The following EXPH5 variants were observed in gnomAD, a reference collection of about 807,000 sequenced individuals.
EXPH5 encodes the protein exophilin-5.
EXPH5 carries 42 observed loss-of-function variants against 41.1 expected under a neutral mutation model. The ratio of observed to expected loss-of-function variants is 1.02; its 90% confidence interval spans 0.80 to 1.32. The LOEUF (loss-of-function observed/expected upper bound fraction) is 1.32. Among genes scored for constraint, EXPH5 ranks in the 40% most tolerant of loss-of-function variants. The pLI is 0.00. For missense variants in EXPH5, 2,298 were observed against 2,314.5 expected, an observed-to-expected ratio of 0.99 and a Z score of 0.15; for synonymous variants, 798 against 833.5, an observed-to-expected ratio of 0.96 and a Z score of 0.73.
chr11:108,555,093 TCA>T (rs2093984247), intron 1 of EXPH5, among the ~76,000 whole-genome samples: 1 of 152,218 alleles, frequency 6.6e-6, no homozygotes, highest in African/African-American at 2.4e-5. Context: ...GGGCAGATGT[TCA>T]CAAACACAGC....
intron 5 of EXPH5, among the ~76,000 whole-genome samples, chr11:108,515,801 G>T (rs951141915): frequency 6.6e-6 from 1 of 152,130 alleles, no homozygotes; most frequent in Non-Finnish European, 1.5e-5. Flanking sequence ...GGCCGGGCAC[G>T]GTGGCTCATG....
intron 1 of EXPH5, among the ~76,000 whole-genome samples, chr11:108,565,423 C>T (rs2094030472): frequency 6.6e-6 from 1 of 152,198 alleles, no homozygotes; most frequent in African/African-American, 2.4e-5. Context: ...CAGATCAGTG[C>T]TGAATGTTGT....
chr11:108,583,233 T>C (rs1320374468), intron 1 of EXPH5, among the ~76,000 whole-genome samples: 1 of 151,770 alleles, frequency 6.6e-6, no homozygotes, highest in Non-Finnish European at 1.5e-5. Flanking sequence ...ATACAAAAAA[T>C]TAGCCGGGCG....
chr11:108,596,955 A>G (rs1386148754), upstream of EXPH5, among the ~76,000 whole-genome samples: 4 of 152,210 alleles, frequency 2.6e-5, no homozygotes, highest in Non-Finnish European at 4.4e-5. Context: ...CAATCTTAGT[A>G]TCCGGTAATC....
chr11:108,512,957 GCTC>G lies in EXPH5; in HGVS notation c.2547_2549del (p.Trp849_Ser850delinsCys), dbSNP rs1565776803. On this transcript the variant is annotated inframe_deletion, in exon 6 of 6. Transcript: ENST00000265843. ...CATTTTGAGTATCAGTCAGTGCAGA[GCTC>G]CAGTGGTTATTTGTAATAATTCTTG... 1 of 1,612,622 alleles carries G rather than the reference GCTC, an allele frequency of 6.2e-7. No homozygotes were observed. The highest frequency in any genetic ancestry group is 1.3e-5 in the African/African-American group (1 of 74,858).
Position 108,514,376 on chromosome 11 carries a change from A to G in EXPH5, c.1131T>C (p.Asp377=). 1 of 1,614,072 alleles carries G rather than the reference A, an allele frequency of 6.2e-7. No individual in the cohort carries two copies. Among genetic ancestry groups the G allele is most frequent in the African/African-American group, 1.3e-5 (1 of 75,048 alleles). ...PLSSIIWNRS[D]SSRDRENQEE... is the part of the protein sequence containing the mutation. Reference sequence around the variant, plus strand: ...CCTGGTTCTCCCTGTCTCTAGAGGAATCTGATCTGTTCCATATGATGGATG... The same window carrying G: ...CCTGGTTCTCCCTGTCTCTAGAGGAGTCTGATCTGTTCCATATGATGGATG... The change falls in exon 6 of 6, where the codon GAT becomes GAC. Residue 377 remains aspartate, a synonymous_variant. Coordinates refer to ENST00000265843, the MANE Select transcript of EXPH5 (RefSeq NM_015065.3).
chr11:108,604,129 G>A, the EXPH5 span, among the ~76,000 whole-genome samples: 1 of 151,450 alleles, frequency 6.6e-6, no homozygotes, highest in Non-Finnish European at 1.5e-5. Flanking sequence ...CGGGTGCAGA[G>A]GCTCATGCCT....
chr11:108,539,099 G>A lies in EXPH5; in HGVS notation c.368C>T (p.Ser123Leu), dbSNP rs143638842. ...GAATGAGAACAGGGAAGCAAATGAC[G>A]ATCTGAAGCTCATCCGGGAAGAAAA... ...TPFSSRMSFRSSFASLFSFRK... is the reference protein window; with the variant it reads ...TPFSSRMSFRLSFASLFSFRK... The change falls in exon 3 of 6, where the codon TCG becomes TTG. Residue 123 changes from serine (S) to leucine (L), a missense_variant. Transcript: ENST00000265843. 459 of 1,611,726 alleles carry A rather than the reference G, an allele frequency of 2.8e-4. No individual in the cohort carries two copies. The highest frequency in any genetic ancestry group is 3.7e-4 in the Non-Finnish European group (440 of 1,178,606).
At chr11:108,518,138 GTGTTTCATATGTT>G (rs1450314106) in intron 5 of EXPH5, 84 bp downstream of exon 5, 5 of 1,090,650 alleles carry the variant, frequency 4.6e-6, no homozygotes, top group Non-Finnish European at 6.7e-6. Context: ...ATAAAGTACA[GTGTTTCATATGTT>G]TTGAGTAGTT....
At chr11:108,521,086 T>C (rs2093762326) in intron 4 of EXPH5, among the ~76,000 whole-genome samples, 1 of 152,122 alleles carries the variant, frequency 6.6e-6, no homozygotes, top group African/African-American at 2.4e-5. Context: ...CCACTTCCCT[T>C]TCCAGTCTTT....
intron 1 of EXPH5, among the ~76,000 whole-genome samples, chr11:108,579,277 G>T (rs2094090313): frequency 6.6e-6 from 1 of 151,526 alleles, no homozygotes; most frequent in South Asian, 2.1e-4. Flanking sequence ...TGATCATATG[G>T]TTTATGCCCT....
chr11:108,512,749 C>T lies in EXPH5; in HGVS notation c.2758G>A (p.Glu920Lys). 6.2e-7 allele frequency: 1 copy of T among 1,613,560 alleles called. No individual in the cohort carries two copies. The highest frequency in any genetic ancestry group is 8.5e-7 in the Non-Finnish European group (1 of 1,179,864). The stretch of plus-strand genomic sequence containing the variant: ...CCAGCATTGTCTTTTTCTTCTCTTT[C>T]TCCTAGCGATGGATCTTTGTCTGAA... Reference protein sequence around the residue: ...SPSDKDPSLGEREEKDNAGKN... With the variant: ...SPSDKDPSLGKREEKDNAGKN... The change falls in exon 6 of 6, where the codon GAA becomes AAA. Residue 920 changes from glutamate (E) to lysine (K), a missense_variant. By Grantham distance (56) the Glu-to-Lys change is moderately conservative. Coordinates refer to ENST00000265843, the MANE Select transcript of EXPH5 (RefSeq NM_015065.3).
chr11:108,545,161 C>G (rs1047913889), intron 1 of EXPH5, among the ~76,000 whole-genome samples: 1 of 152,148 alleles, frequency 6.6e-6, no homozygotes, highest in African/African-American at 2.4e-5. Flanking sequence ...CACCAGTAAT[C>G]CCAGCACTTC....
At position 108,524,811 on chromosome 11, in the gene EXPH5, T is replaced by C. The variant is rs1461741616; in HGVS notation, c.492+3325A>G. On this transcript the variant is annotated intron_variant, in intron 4 of 5. Transcript: ENST00000265843. ...CTCCTGCACAGGTCATATCCACCAA[T>C]GTAGCTGCAACTTAAAACCACTCAT... 1.3e-5 allele frequency among the ~76,000 whole-genome samples: 2 copies of C among 152,348 alleles called. 1 individual carries two copies. The highest frequency in any genetic ancestry group is 6.8e-3 in the Middle Eastern group (2 of 294).
In EXPH5 at chr11:108,508,559, A is replaced by T. The variant is rs1481527126; in HGVS notation, c.*978T>A. On this transcript the variant is annotated 3_prime_UTR_variant, in exon 6 of 6. Coordinates refer to ENST00000265843, the MANE Select transcript of EXPH5 (RefSeq NM_015065.3). ...ACAAAAAACAAAAACAAAAAAAAGA[A>T]AATGTGAAAATGGATAGTTCTGAGG... 6.6e-6 allele frequency: 1 copy of T among 152,524 alleles called. No individual in the cohort carries two copies. Among genetic ancestry groups the T allele is most frequent in the Non-Finnish European group, 1.5e-5 (1 of 68,264 alleles). The allele number at this position is 152,524 out of a possible 1,614,324, so 9.4% of individuals were successfully genotyped here.
intron 4 of EXPH5, 144 bp from the exon 5 acceptor site, chr11:108,518,517 A>T: frequency 1.3e-6 from 1 of 751,894 alleles, no homozygotes; most frequent in Non-Finnish European, 2.1e-6. Flanking sequence ...TTCTCAATTT[A>T]TAATGTGTTG....
chr11:108,538,266 AC>A (rs1306569352), intron 3 of EXPH5: 1 of 985,230 alleles, frequency 1.0e-6, no homozygotes, highest in Admixed American at 6.1e-5. Context: ...TGCCAAGCCA[AC>A]ACCTTAAGAG....
chr11:108,592,510 C>T (rs2094129767), intron 1 of EXPH5, among the ~76,000 whole-genome samples: 1 of 152,136 alleles, frequency 6.6e-6, no homozygotes, highest in African/African-American at 2.4e-5. Flanking sequence ...GAGTGATGTC[C>T]TGAATTCCCT....
intron 1 of EXPH5, among the ~76,000 whole-genome samples, chr11:108,559,766 T>C (rs1476277845): frequency 2.6e-5 from 4 of 152,240 alleles, no homozygotes; most frequent in Admixed American, 2.6e-4. Context: ...GAGCAGCCTA[T>C]GCTATTTCAT....
Sources: allele counts gnomAD v4.1 joint callset (sites outside exome capture counted in the v4.1 genomes callset), GRCh38; gene constraint gnomAD v4.1.1; transcripts MANE v1.5; gene names NCBI Gene and HGNC (gene_info 2026-07-23, HGNC 2026-07-21).